The following KCNQ3 variants were observed in gnomAD, a reference collection of about 807,000 sequenced individuals.
KCNQ3 encodes the protein potassium voltage-gated channel subfamily KQT member 3.
In KCNQ3, 30 loss-of-function variants were observed where a neutral mutation model predicts 92.5. The observed-to-expected ratio is 0.32, with a 90% CI of 0.24 to 0.44. The LOEUF is 0.44. Ranked by LOEUF, KCNQ3 falls within the 20% of genes least tolerant of loss-of-function variation. The pLI, the probability that KCNQ3 is intolerant of heterozygous loss-of-function variation, is 1.00. For missense variants in KCNQ3, 913 were observed against 1,140.3 expected (o/e 0.80, Z 2.87); for synonymous variants, 450 against 468.8 (o/e 0.96, Z 0.52).
At chr8:132,146,563 C>T (rs1437818) in intron 9 of KCNQ3, among the ~76,000 whole-genome samples, 117,125 of 151,658 alleles carry the variant, frequency 0.77, 45,581 homozygotes, top group Admixed American at 0.85. Context: ...GGTTTCATAA[C>T]CATTGTGAAT....
At chr8:132,462,655 T>C (rs573981086) in intron 1 of KCNQ3, among the ~76,000 whole-genome samples, 24 of 152,354 alleles carry the variant, frequency 1.6e-4, no homozygotes, top group African/African-American at 5.8e-4. Context: ...ATCCCAGCCC[T>C]GCCCCTGAAA....
intron 1 of KCNQ3, among the ~76,000 whole-genome samples, chr8:132,260,964 C>G (rs796148161): frequency 1.4e-4 from 22 of 152,246 alleles, no homozygotes; most frequent in African/African-American, 5.1e-4. Context: ...ATAAAATTCC[C>G]TCTTTTAAAG....
At chr8:132,401,193 C>T (rs1221360823) in intron 1 of KCNQ3, among the ~76,000 whole-genome samples, 14 of 152,170 alleles carry the variant, frequency 9.2e-5, no homozygotes, top group South Asian at 2.1e-4. Context: ...AGAGACTGAG[C>T]GGAGAATCCT....
At chr8:132,185,275 G>T (rs1184525670) in intron 2 of KCNQ3, among the ~76,000 whole-genome samples, 1 of 152,226 alleles carries the variant, frequency 6.6e-6, no homozygotes, top group African/African-American at 2.4e-5. Flanking sequence ...CCTAACTAGG[G>T]GGCCACACCA....
At chr8:132,355,645 GAGAA>G (rs1300683783) in intron 1 of KCNQ3, among the ~76,000 whole-genome samples, 1 of 152,112 alleles carries the variant, frequency 6.6e-6, no homozygotes, top group East Asian at 1.9e-4. Flanking sequence ...GGCAAGCAAA[GAGAA>G]AAAGGGATGA....
chr8:132,130,047 C>T lies in KCNQ3; in HGVS notation c.1885-51G>A, dbSNP rs145901403. The T allele has an allele frequency of 2.1e-3, 3,255 of 1,548,888 alleles. 5 individuals are homozygous for T. Among genetic ancestry groups the T allele is most frequent in the Admixed American group, 2.8e-3 (166 of 59,572 alleles). On this transcript the variant is annotated intron_variant, in intron 14 of 14. Coordinates refer to ENST00000388996, the MANE Select transcript of KCNQ3 (RefSeq NM_004519.4). Reference sequence around the variant, plus strand: ...TACCACTTTCTCTGAGGGTGGGGATCGTTGCTATTGGTTGGGAGGAAATAT... The same window carrying T: ...TACCACTTTCTCTGAGGGTGGGGATTGTTGCTATTGGTTGGGAGGAAATAT...
chr8:132,384,871 A>C, intron 1 of KCNQ3, among the ~76,000 whole-genome samples: 1 of 152,198 alleles, frequency 6.6e-6, no homozygotes, highest in East Asian at 1.9e-4. Flanking sequence ...CCTATTTCAC[A>C]GGATTTTGGG....
At chr8:132,201,001 C>T (rs1827441234) in intron 1 of KCNQ3, among the ~76,000 whole-genome samples, 1 of 152,166 alleles carries the variant, frequency 6.6e-6, no homozygotes, top group Admixed American at 6.5e-5. Context: ...GCCTTCTTGT[C>T]ATGTCATAAC....
At chr8:132,433,668 T>C (rs1245029713) in intron 1 of KCNQ3, among the ~76,000 whole-genome samples, 4 of 151,556 alleles carry the variant, frequency 2.6e-5, no homozygotes, top group Non-Finnish European at 5.9e-5. Flanking sequence ...GGCAGGCGGA[T>C]CACCTGAGAT....
chr8:132,294,603 G>A (rs1212027707), intron 1 of KCNQ3, among the ~76,000 whole-genome samples: 2 of 152,162 alleles, frequency 1.3e-5, no homozygotes, highest in Admixed American at 1.3e-4. Flanking sequence ...AGTTCTTGTG[G>A]AACGTTTGGT....
chr8:132,439,119 T>C (rs1436601342), intron 1 of KCNQ3, among the ~76,000 whole-genome samples: 1 of 151,588 alleles, frequency 6.6e-6, no homozygotes, highest in African/African-American at 2.4e-5. Flanking sequence ...GCCGAACCAA[T>C]TTTTTCATCT....
chr8:132,195,676 C>T (rs1440019936), intron 1 of KCNQ3, among the ~76,000 whole-genome samples: 3 of 152,180 alleles, frequency 2.0e-5, no homozygotes, highest in African/African-American at 4.8e-5. Context: ...AGTTCCAACT[C>T]TTTAGAAAGG....
At chr8:132,464,091 A>C (rs1318633888) in intron 1 of KCNQ3, among the ~76,000 whole-genome samples, 2 of 152,240 alleles carry the variant, frequency 1.3e-5, no homozygotes, top group Non-Finnish European at 2.9e-5. Context: ...AGGCTGAGGC[A>C]GGAGAATCGC....
At chr8:132,397,991 CA>C (rs1314423545) in intron 1 of KCNQ3, among the ~76,000 whole-genome samples, 2 of 152,176 alleles carry the variant, frequency 1.3e-5, no homozygotes, top group East Asian at 3.8e-4. Context: ...TGTGCAAAAG[CA>C]TACACCTTTC....
chr8:132,299,252 T>C (rs950737193), intron 1 of KCNQ3, among the ~76,000 whole-genome samples: 3 of 152,094 alleles, frequency 2.0e-5, no homozygotes, highest in Non-Finnish European at 2.9e-5. Context: ...GTTTTTAGTT[T>C]CTTACATATT....
intron 1 of KCNQ3, among the ~76,000 whole-genome samples, chr8:132,377,524 G>A (rs1338471963): frequency 3.3e-5 from 5 of 152,180 alleles, no homozygotes; most frequent in African/African-American, 1.2e-4. Context: ...GCTGGGTCAG[G>A]GAGTCCGCAG....
At chr8:132,137,244 T>C (rs1276866911) in intron 12 of KCNQ3, among the ~76,000 whole-genome samples, 5 of 152,116 alleles carry the variant, frequency 3.3e-5, no homozygotes, top group African/African-American at 1.2e-4. Flanking sequence ...TAAGGAAATA[T>C]GGTGTATTAG....
intron 1 of KCNQ3, among the ~76,000 whole-genome samples, chr8:132,266,641 G>T (rs970719972): frequency 6.6e-6 from 1 of 152,134 alleles, no homozygotes; most frequent in South Asian, 2.1e-4. Flanking sequence ...AAATCAGAGG[G>T]TCCCAGAGGC....
At chr8:132,475,567 CA>C (rs558997060) in intron 1 of KCNQ3, among the ~76,000 whole-genome samples, 126 of 152,280 alleles carry the variant, frequency 8.3e-4, no homozygotes, top group Non-Finnish European at 1.3e-3. Flanking sequence ...CTTTGAACTT[CA>C]GAGGATGATT....
Sources: gnomAD v4.1 joint callset for allele counts (sites outside exome capture counted in the v4.1 genomes callset) on GRCh38, gnomAD v4.1.1 for gene constraint, MANE v1.5 for transcripts, NCBI Gene and HGNC (gene_info 2026-07-23, HGNC 2026-07-21) for gene names.